The following SLC4A10 variants were observed in gnomAD, a reference collection of about 807,000 sequenced individuals.
The protein encoded by SLC4A10 is sodium-driven chloride bicarbonate exchanger.
A neutral mutation model predicts 137.7 loss-of-function variants in SLC4A10; 42 were observed. That is an observed-to-expected ratio of 0.30 (90% CI 0.24 to 0.39). SLC4A10 has a LOEUF of 0.39. Ranked by LOEUF, SLC4A10 falls within the 10% of genes least tolerant of loss-of-function variation. The probability of loss-of-function intolerance (pLI) is 1.00; values close to 1 mark genes in which losing one functional copy is unlikely to be tolerated. For missense variants in SLC4A10, 925 were observed against 1,355.0 expected (o/e 0.68, Z 4.98); for synonymous variants, 474 against 464.1 (o/e 1.02, Z -0.27).
intron 20 of SLC4A10, among the ~76,000 whole-genome samples, chr2:161,957,706 T>C (rs1194250824): frequency 6.6e-6 from 1 of 152,338 alleles, no homozygotes; most frequent in East Asian, 1.9e-4. Context: ...AAGTGCTCTG[T>C]AAAACCACTG....
At chr2:161,798,957 G>C (rs2055073939) in intron 2 of SLC4A10, among the ~76,000 whole-genome samples, 1 of 149,808 alleles carries the variant, frequency 6.7e-6, no homozygotes. Flanking sequence ...TTTTAGTTCT[G>C]AGCCTGAATT....
chr2:161,964,730 C>T (rs576491593), intron 22 of SLC4A10, among the ~76,000 whole-genome samples: 1 of 152,046 alleles, frequency 6.6e-6, no homozygotes, highest in South Asian at 2.1e-4. Flanking sequence ...AGAATGTTCT[C>T]GTGTTCATTT....
At chr2:161,854,830 A>T (rs2060013243) in intron 4 of SLC4A10, 140 bp from the exon 5 acceptor site, 1 of 702,458 alleles carries the variant, frequency 1.4e-6, no homozygotes, top group South Asian at 5.3e-5. Flanking sequence ...AATGGCTTAG[A>T]CTAGCTTTTA....
chr2:161,850,215 C>A (rs866768313), intron 4 of SLC4A10, among the ~76,000 whole-genome samples: 72 of 152,046 alleles, frequency 4.7e-4, no homozygotes, highest in Middle Eastern at 6.8e-3. Context: ...AATGGCAAAA[C>A]CCTGTCTCTA....
intron 1 of SLC4A10, among the ~76,000 whole-genome samples, chr2:161,745,045 A>C (rs1301000217): frequency 1.3e-5 from 2 of 152,070 alleles, no homozygotes; most frequent in Non-Finnish European, 2.9e-5. Flanking sequence ...AAAATCCCCC[A>C]ACTTTGTCTG....
At chr2:161,733,721 G>A (rs1029349649) in intron 1 of SLC4A10, among the ~76,000 whole-genome samples, 9 of 152,170 alleles carry the variant, frequency 5.9e-5, no homozygotes, top group East Asian at 1.9e-4. Flanking sequence ...GGCAGCTTGC[G>A]CAGTGTGCCT....
In SLC4A10 at chr2:161,947,686, A is replaced by T. The variant is rs1306818511; in HGVS notation, c.2224A>T (p.Thr742Ser). The T allele has an allele frequency of 1.2e-6, 2 of 1,613,164 alleles. No homozygotes were observed. Among genetic ancestry groups the T allele is most frequent in the Non-Finnish European group, 1.7e-6 (2 of 1,179,308 alleles). The change falls in exon 17 of 27, where the codon ACC becomes TCC. Residue 742 changes from threonine to serine, a missense_variant. Thr to Ser is a moderately conservative substitution (Grantham distance 58). This residue lies in a region of SLC4A10 where 82 missense variants were observed against 151.4 expected (regional missense o/e 0.54). Transcript: ENST00000446997. ...LFFSTVTLSA[T>S]LKQFKTSRYF... ...CTTTTCCACAGTTACTCTGTCAGCC[A>T]CCCTGAAGCAGTTCAAGACTAGCAG... is the stretch of plus-strand genomic sequence containing the variant.
intron 1 of SLC4A10, among the ~76,000 whole-genome samples, chr2:161,650,498 G>A (rs911673916): frequency 4.6e-5 from 7 of 152,108 alleles, no homozygotes; most frequent in African/African-American, 1.4e-4. Flanking sequence ...GAGTTTACTG[G>A]ACAGGGGAGC....
intron 5 of SLC4A10, 83 bp from the exon 6 acceptor site, chr2:161,862,791 G>T: frequency 9.6e-7 from 1 of 1,043,920 alleles, no homozygotes; most frequent in Non-Finnish European, 1.3e-6. Flanking sequence ...TTTAGGGCTT[G>T]CATATTTGGA....
chr2:161,795,136 G>A (rs2054629099), intron 2 of SLC4A10, among the ~76,000 whole-genome samples: 1 of 151,978 alleles, frequency 6.6e-6, no homozygotes, highest in South Asian at 2.1e-4. Context: ...CCCCTCACAA[G>A]GCATGCTATT....
At chr2:161,707,188 T>C (rs1177498177) in intron 1 of SLC4A10, among the ~76,000 whole-genome samples, 1 of 151,512 alleles carries the variant, frequency 6.6e-6, no homozygotes, top group African/African-American at 2.4e-5. Context: ...ATAGTATACA[T>C]ACAGCAGAAT....
intron 15 of SLC4A10, among the ~76,000 whole-genome samples, chr2:161,928,460 C>T (rs1276154158): frequency 1.3e-5 from 2 of 149,752 alleles, no homozygotes; most frequent in Non-Finnish European, 3.0e-5. Context: ...CAGCATGGCA[C>T]ATGTATACAT....
intron 1 of SLC4A10, among the ~76,000 whole-genome samples, chr2:161,629,422 C>T (rs1340111899): frequency 1.3e-5 from 2 of 150,376 alleles, no homozygotes; most frequent in South Asian, 2.1e-4. Context: ...TTTTTGAGAG[C>T]GATATAGGTT....
intron 1 of SLC4A10, among the ~76,000 whole-genome samples, chr2:161,661,240 T>C (rs1471383296): frequency 1.3e-5 from 2 of 152,096 alleles, no homozygotes; most frequent in East Asian, 3.9e-4. Context: ...TTTGGGAGGC[T>C]GAGGTGGGCG....
At chr2:161,856,739 C>G (rs948198208) in intron 5 of SLC4A10, among the ~76,000 whole-genome samples, 4 of 152,016 alleles carry the variant, frequency 2.6e-5, no homozygotes, top group Non-Finnish European at 4.4e-5. Context: ...ACAGTACTTT[C>G]AAGTATGGGA....
intron 1 of SLC4A10, among the ~76,000 whole-genome samples, chr2:161,647,838 A>C (rs2036266570): frequency 6.6e-6 from 1 of 152,212 alleles, no homozygotes. Flanking sequence ...CACAAAGATC[A>C]GGCAAATTGG....
At chr2:161,728,254 C>A (rs1348012605) in intron 1 of SLC4A10, among the ~76,000 whole-genome samples, 4 of 152,136 alleles carry the variant, frequency 2.6e-5, no homozygotes, top group Admixed American at 2.6e-4. Flanking sequence ...AAACTGAATT[C>A]ACAGTTAAAA....
At chr2:161,794,325 GCTAAAAATA>G (rs754026894) in intron 2 of SLC4A10, among the ~76,000 whole-genome samples, 72 of 152,196 alleles carry the variant, frequency 4.7e-4, no homozygotes, top group South Asian at 2.3e-3. Context: ...AGTGCCTATA[GCTAAAAATA>G]CTGTATCGTA....
intron 1 of SLC4A10, among the ~76,000 whole-genome samples, chr2:161,706,570 A>C (rs2043684516): frequency 6.6e-6 from 1 of 151,434 alleles, no homozygotes; most frequent in South Asian, 2.1e-4. Context: ...CCCGTCCTCC[A>C]GTTTTGTTTT....
Sources: allele counts gnomAD v4.1 joint callset (sites outside exome capture counted in the v4.1 genomes callset), GRCh38; gene constraint gnomAD v4.1.1; regional missense constraint gnomAD v4.1.1; transcripts MANE v1.5; gene names NCBI Gene and HGNC (gene_info 2026-07-23, HGNC 2026-07-21).